Variants in LYRM4 observed in about 807,000 individuals in gnomAD.
The protein encoded by LYRM4 is LYR motif containing 4.
Under a neutral mutation model 11.7 loss-of-function variants are expected in LYRM4, and 9 were observed. The ratio of observed to expected loss-of-function variants is 0.77; its 90% CI spans 0.46 to 1.34. The LOEUF (loss-of-function observed/expected upper bound fraction) is 1.34. Ranked by LOEUF, LYRM4 falls within the 40% of genes most tolerant of loss-of-function variation. LYRM4 has a pLI of 0.00. For missense variants in LYRM4, 133 were observed against 112.5 expected (o/e 1.18, Z -0.82); for synonymous variants, 42 against 40.4 (o/e 1.04, Z -0.15).
At chr6:5,118,873 T>C (rs1302919738) in intron 2 of LYRM4, among the ~76,000 whole-genome samples, 1 of 152,246 alleles carries the variant, frequency 6.6e-6, no homozygotes, top group African/African-American at 2.4e-5. Flanking sequence ...TTTTTCTTTC[T>C]AGAATCCAGC....
chr6:5,115,957 T>C (rs958766179), intron 2 of LYRM4, among the ~76,000 whole-genome samples: 2 of 152,126 alleles, frequency 1.3e-5, no homozygotes, highest in East Asian at 3.9e-4. Flanking sequence ...TACATGAGCA[T>C]CGGTGACTGA....
In LYRM4 at chr6:5,149,797, T is replaced by C. The variant is rs557631831; in HGVS notation, c.208-40306A>G. Among the ~76,000 whole-genome samples, 8 of 152,328 alleles carry C rather than the reference T, an allele frequency of 5.3e-5. No individual in the cohort carries two copies. The East Asian group carries it at 1.3e-3, about 26-fold the overall frequency. ...AGATACACAATTCCACTTAAAAGCA[T>C]GCCTGTCCACACATGGACACACATA... On this transcript the variant is annotated intron_variant, in intron 2 of 2. Coordinates refer to ENST00000330636, the MANE Select transcript of LYRM4 (RefSeq NM_020408.6).
the LYRM4 span, among the ~76,000 whole-genome samples, chr6:5,093,638 G>A: frequency 6.6e-6 from 1 of 152,240 alleles, no homozygotes; most frequent in African/African-American, 2.4e-5. Flanking sequence ...GTACTATCTG[G>A]TTAGATTTGT....
intron 2 of LYRM4, among the ~76,000 whole-genome samples, chr6:5,163,742 T>C (rs1758906652): frequency 6.6e-6 from 1 of 151,440 alleles, no homozygotes; most frequent in South Asian, 2.1e-4. Flanking sequence ...GCCTCCCGAG[T>C]AGCTGAGGTT....
the LYRM4 span, among the ~76,000 whole-genome samples, chr6:5,096,480 C>G: frequency 9.9e-5 from 15 of 152,236 alleles, no homozygotes; most frequent in African/African-American, 2.9e-4. Flanking sequence ...CAGAGCAAGA[C>G]TGTTTCAAAA....
At chr6:5,244,432 C>A (rs993785413) in intron 1 of LYRM4, among the ~76,000 whole-genome samples, 3 of 152,186 alleles carry the variant, frequency 2.0e-5, no homozygotes, top group Non-Finnish European at 4.4e-5. Flanking sequence ...CTCTGTAATA[C>A]ATCCCTTCCC....
At chr6:5,215,472 CCTGT>C (rs1286200524) in intron 2 of LYRM4, among the ~76,000 whole-genome samples, 2 of 152,142 alleles carry the variant, frequency 1.3e-5, no homozygotes, top group African/African-American at 2.4e-5. Context: ...ATTTCCTAGG[CCTGT>C]CTGAGTGTGG....
At position 5,240,933 on chromosome 6, in the gene LYRM4, G is replaced by A. The variant is rs1460668841; in HGVS notation, c.86+19715C>T. ...AAGCACATCCAAAAATGCAAAAGGA[G>A]GTGGAAGCAGGGAATGTACCTGCCT... On this transcript the variant is annotated intron_variant, in intron 1 of 2. Transcript: ENST00000330636. Among the ~76,000 whole-genome samples the A allele has an allele frequency of 3.9e-5, 6 of 152,288 alleles. No homozygotes were observed. In the East Asian group the frequency reaches 1.2e-3, roughly 29 times the overall value.
intron 2 of LYRM4, among the ~76,000 whole-genome samples, chr6:5,213,372 A>G (rs1307054840): frequency 6.6e-6 from 1 of 152,232 alleles, no homozygotes; most frequent in African/African-American, 2.4e-5. Flanking sequence ...ACGTGACTGA[A>G]GAAGCCACCC....
At chr6:5,115,881 G>A (rs1171022398) in intron 2 of LYRM4, among the ~76,000 whole-genome samples, 1 of 152,104 alleles carries the variant, frequency 6.6e-6, no homozygotes, top group African/African-American at 2.4e-5. Flanking sequence ...TACATATACT[G>A]CATATATTGG....
chr6:5,215,731 C>T (rs1236312125), intron 2 of LYRM4, among the ~76,000 whole-genome samples: 4 of 152,098 alleles, frequency 2.6e-5, no homozygotes, highest in African/African-American at 9.7e-5. Flanking sequence ...TCTCTTGATG[C>T]TAAAGAAGCC....
At chr6:5,050,506 C>T in the LYRM4 span, among the ~76,000 whole-genome samples, 5 of 152,208 alleles carry the variant, frequency 3.3e-5, no homozygotes, top group African/African-American at 7.2e-5. Context: ...AAAGGGCCAG[C>T]ACCTGTTTTT....
rs968606439 is a variant in LYRM4, at chr6:5,119,794, C to CAAAA, written c.208-10307_208-10304dup. Among the ~76,000 whole-genome samples the CAAAA allele has an allele frequency of 2.8e-3, 48 of 16,872 alleles. 2 individuals carry two copies. The highest frequency in any genetic ancestry group is 4.3e-3 in the African/African-American group (35 of 8,058). 11.1% of individuals were successfully genotyped at this position (16,872 alleles called of 152,430 possible). On this transcript the variant is annotated intron_variant, in intron 2 of 2. Coordinates refer to ENST00000330636, the MANE Select transcript of LYRM4 (RefSeq NM_020408.6). ...GCAGAATGAGACTCTGTCTCCATAA[C>CAAAA]AAAAAAAAAAAAAAAAAAAAAAAAA... is the stretch of plus-strand genomic sequence containing the variant.
At chr6:5,138,601 TA>T in intron 2 of LYRM4, 1 of 563,738 alleles carries the variant, frequency 1.8e-6, no homozygotes, top group Non-Finnish European at 2.7e-6. Context: ...ATTTCCAGAC[TA>T]AGTCACAAGA....
chr6:5,219,275 G>C (rs145218507), intron 1 of LYRM4, among the ~76,000 whole-genome samples: 163 of 152,290 alleles, frequency 1.1e-3, no homozygotes, highest in Admixed American at 1.6e-3. Flanking sequence ...CTGAGCTCAA[G>C]GCCCAGGGTC....
At chr6:5,245,815 G>C (rs1159019396) in intron 1 of LYRM4, among the ~76,000 whole-genome samples, 2 of 152,210 alleles carry the variant, frequency 1.3e-5, no homozygotes, top group South Asian at 2.1e-4. Context: ...AGGCGAGTGA[G>C]TGCAGAAGAT....
At chr6:5,060,173 C>T in the LYRM4 span, among the ~76,000 whole-genome samples, 2 of 152,230 alleles carry the variant, frequency 1.3e-5, no homozygotes, top group African/African-American at 4.8e-5. Flanking sequence ...AGTGTGGGAT[C>T]AAGTTCTAGA....
At chr6:5,155,287 G>T (rs1012493394) in intron 2 of LYRM4, among the ~76,000 whole-genome samples, 1 of 152,102 alleles carries the variant, frequency 6.6e-6, no homozygotes, top group African/African-American at 2.4e-5. Context: ...CACCATGTTG[G>T]CCAGGCTGGT....
chr6:5,176,370 T>C (rs557859242), intron 2 of LYRM4, among the ~76,000 whole-genome samples: 29 of 152,260 alleles, frequency 1.9e-4, no homozygotes, highest in African/African-American at 5.8e-4. Flanking sequence ...GCCTACGCTA[T>C]TAAATTTTAA....
Sources: allele counts gnomAD v4.1 joint callset (sites outside exome capture counted in the v4.1 genomes callset), GRCh38; gene constraint gnomAD v4.1.1; transcripts MANE v1.5; gene names NCBI Gene and HGNC (gene_info 2026-07-23, HGNC 2026-07-21).